CBL: variants seen among roughly 807,000 people sequenced by gnomAD.
CBL encodes Cbl proto-oncogene.
A neutral mutation model predicts 96.9 loss-of-function variants in CBL; 45 were observed. The ratio of observed to expected loss-of-function variants is 0.46; its 90% confidence interval spans 0.37 to 0.60. CBL has a LOEUF of 0.60. Among genes scored for constraint, CBL ranks in the 20% least tolerant of loss-of-function variants. The pLI is 0.00. For synonymous variants in CBL, 420 were observed against 426.8 expected, an observed-to-expected ratio of 0.98 and a Z score of 0.20; for missense variants, 1,024 against 1,143.5, an observed-to-expected ratio of 0.90 and a Z score of 1.51.
At chr11:119,255,748 C>T (rs1949706456) in intron 2 of CBL, among the ~76,000 whole-genome samples, 1 of 152,036 alleles carries the variant, frequency 6.6e-6, no homozygotes, top group African/African-American at 2.4e-5. Context: ...TAGCAAAATT[C>T]TATAATATAT....
intron 2 of CBL, among the ~76,000 whole-genome samples, chr11:119,241,702 C>G (rs1479014557): frequency 6.6e-6 from 1 of 151,998 alleles, no homozygotes; most frequent in Non-Finnish European, 1.5e-5. Flanking sequence ...TCTTTGTGTT[C>G]AGGAATTTGG....
At chr11:119,264,472 T>C (rs939374822) in intron 2 of CBL, among the ~76,000 whole-genome samples, 3 of 126,240 alleles carry the variant, frequency 2.4e-5, no homozygotes, top group Non-Finnish European at 5.3e-5. Context: ...CTTTTCTTCT[T>C]TTCTCTTTTC....
At chr11:119,245,880 G>T (rs1315571213) in intron 2 of CBL, among the ~76,000 whole-genome samples, 1 of 142,016 alleles carries the variant, frequency 7.0e-6, no homozygotes. Context: ...AATTTCTGTT[G>T]TTATAAATTA....
chr11:119,286,443 T>TC (rs1346868987), intron 11 of CBL, among the ~76,000 whole-genome samples: 32 of 152,186 alleles, frequency 2.1e-4, no homozygotes, highest in African/African-American at 7.0e-4. Flanking sequence ...GATAGGGCAA[T>TC]CATGAGAACT....
intron 2 of CBL, among the ~76,000 whole-genome samples, chr11:119,261,803 A>G (rs923374963): frequency 6.6e-6 from 1 of 152,240 alleles, no homozygotes; most frequent in Non-Finnish European, 1.5e-5. Context: ...CCGTGAAGTA[A>G]CATAGCTAGT....
In CBL at chr11:119,307,635, T is replaced by C. The variant is rs967288314; in HGVS notation, c.*7854T>C. The C allele has an allele frequency of 4.3e-5, 10 of 230,212 alleles. No homozygotes were observed. Among genetic ancestry groups the C allele is most frequent in the African/African-American group, 1.5e-4 (7 of 45,170 alleles). 14.3% of individuals were successfully genotyped at this position (230,212 alleles called of 1,614,324 possible). The stretch of plus-strand genomic sequence containing the variant: ...TTTCTATATAATGACATCTTACTTA[T>C]CTTTTACCCTTTCCTCAGTTTTCCC... On this transcript the variant is annotated 3_prime_UTR_variant, in exon 16 of 16. Coordinates refer to ENST00000264033, the MANE Select transcript of CBL (RefSeq NM_005188.4).
intron 2 of CBL, among the ~76,000 whole-genome samples, chr11:119,245,226 T>A (rs1317323755): frequency 2.6e-5 from 4 of 151,854 alleles, no homozygotes; most frequent in Non-Finnish European, 5.9e-5. Flanking sequence ...GAGCTTTTTT[T>A]TATTAATGCA....
chr11:119,277,935 A>T, intron 7 of CBL, 91 bp downstream of exon 7: 4 of 990,206 alleles, frequency 4.0e-6, no homozygotes, highest in Non-Finnish European at 4.8e-6. Context: ...ATTCATTGGA[A>T]CCCATTGACT....
chr11:119,236,622 T>TATATATATATATATATATAC (rs398017756), intron 2 of CBL, among the ~76,000 whole-genome samples: 7 of 144,308 alleles, frequency 4.9e-5, no homozygotes, highest in African/African-American at 1.5e-4. Flanking sequence ...TATATATATA[T>TATATATATATATATATATAC]ACCCATAGGA....
intron 1 of CBL, among the ~76,000 whole-genome samples, chr11:119,219,998 C>T (rs950551090): frequency 2.1e-4 from 32 of 151,962 alleles, no homozygotes; most frequent in African/African-American, 3.6e-4. Flanking sequence ...TACAGGTGTG[C>T]GCCACCACGC....
chr11:119,260,792 T>A (rs1333777493), intron 2 of CBL, among the ~76,000 whole-genome samples: 1 of 152,124 alleles, frequency 6.6e-6, no homozygotes, highest in African/African-American at 2.4e-5. Flanking sequence ...TCTCTCTGCT[T>A]TCGCAGTTTC....
chr11:119,210,024 A>G (rs1310905026), intron 1 of CBL, among the ~76,000 whole-genome samples: 3 of 152,222 alleles, frequency 2.0e-5, no homozygotes, highest in African/African-American at 7.2e-5. Context: ...TTGTAAGCCA[A>G]AAGACAATTA....
intron 1 of CBL, among the ~76,000 whole-genome samples, chr11:119,219,925 C>G (rs1423334190): frequency 6.6e-6 from 1 of 151,110 alleles, no homozygotes; most frequent in African/African-American, 2.4e-5. Flanking sequence ...TCTCGGCTCA[C>G]TGCAACCTCC....
chr11:119,271,734 G>A lies in CBL; in HGVS notation c.444-1G>A. The A allele has an allele frequency of 6.2e-7, 1 of 1,613,584 alleles. No homozygotes were observed. Among genetic ancestry groups the A allele is most frequent in the Non-Finnish European group, 8.5e-7 (1 of 1,179,638 alleles). On this transcript the variant is annotated splice_acceptor_variant, in intron 2 of 15. Coordinates refer to ENST00000264033, the MANE Select transcript of CBL (RefSeq NM_005188.4). LOFTEE classifies it high-confidence loss of function. ...AATTATTGCATTCTGATCATTTGTAGGCGAAACCTAACCAAACTGTCCCTC... is the reference window on the plus strand; with the variant it reads ...AATTATTGCATTCTGATCATTTGTAAGCGAAACCTAACCAAACTGTCCCTC...
intron 3 of CBL, among the ~76,000 whole-genome samples, chr11:119,272,338 G>T (rs1949855727): frequency 6.6e-6 from 1 of 152,172 alleles, no homozygotes; most frequent in Non-Finnish European, 1.5e-5. Flanking sequence ...AGCCAGGATG[G>T]TCTCGACTTC....
chr11:119,236,366 G>A (rs1204653423), intron 2 of CBL, among the ~76,000 whole-genome samples: 2 of 151,480 alleles, frequency 1.3e-5, no homozygotes, highest in Non-Finnish European at 2.9e-5. Flanking sequence ...GTCTTCTTTC[G>A]CTTAGAATGT....
At chr11:119,286,197 G>A (rs180823468) in intron 11 of CBL, among the ~76,000 whole-genome samples, 33 of 152,246 alleles carry the variant, frequency 2.2e-4, no homozygotes, top group Admixed American at 2.0e-3. Flanking sequence ...CTACTCAGGA[G>A]GCTGAGGCAG....
chr11:119,259,988 C>T (rs545415085), intron 2 of CBL, among the ~76,000 whole-genome samples: 2 of 152,220 alleles, frequency 1.3e-5, no homozygotes, highest in East Asian at 1.9e-4. Context: ...GCAAATGGAC[C>T]GTTCCATTCC....
intron 9 of CBL, among the ~76,000 whole-genome samples, chr11:119,284,457 G>A (rs1949964775): frequency 6.6e-6 from 1 of 151,828 alleles, no homozygotes; most frequent in South Asian, 2.1e-4. Flanking sequence ...CCATGGCCCA[G>A]CTAATTTTTT....
Sources: gnomAD v4.1 joint callset for allele counts (sites outside exome capture counted in the v4.1 genomes callset) on GRCh38, gnomAD v4.1.1 for gene constraint, MANE v1.5 for transcripts, NCBI Gene and HGNC (gene_info 2026-07-23, HGNC 2026-07-21) for gene names.